PCDHGB4: variants seen among roughly 807,000 people sequenced by gnomAD.
The protein encoded by PCDHGB4 is protocadherin gamma-B4.
In PCDHGB4, 38 loss-of-function variants were observed where a neutral mutation model predicts 60.5. The observed-to-expected ratio is 0.63, with a 90% confidence interval of 0.48 to 0.82. The LOEUF is 0.82. Ranked by LOEUF, PCDHGB4 falls within the 40% of genes least tolerant of loss-of-function variation. The probability of loss-of-function intolerance (pLI) is 0.00; values close to 1 mark genes in which losing one functional copy is unlikely to be tolerated. For missense variants in PCDHGB4, 1,109 were observed against 1,209.6 expected, an observed-to-expected ratio of 0.92 and a Z score of 1.23; for synonymous variants, 456 against 509.7, an observed-to-expected ratio of 0.89 and a Z score of 1.42.
intron 1 of PCDHGB4, among the ~76,000 whole-genome samples, chr5:141,439,224 T>C (rs989512996): frequency 2.2e-4 from 33 of 152,030 alleles, no homozygotes; most frequent in Middle Eastern, 3.4e-3. Context: ...TGAAAATTCT[T>C]AGAAGCTTCC....
intron 1 of PCDHGB4, chr5:141,418,385 G>A (rs759618059): frequency 8.7e-6 from 14 of 1,613,930 alleles, no homozygotes; most frequent in Admixed American, 1.7e-5. Flanking sequence ...AAGTCCTAAC[G>A]AGTATTTCTC....
intron 1 of PCDHGB4, chr5:141,421,214 G>T (rs1469085534): frequency 5.1e-6 from 8 of 1,561,612 alleles, no homozygotes; most frequent in Non-Finnish European, 6.9e-6. Flanking sequence ...CGGAATATCG[G>T]CTTAGAGCCT....
intron 1 of PCDHGB4, chr5:141,427,830 C>G (rs749612858): frequency 7.8e-6 from 12 of 1,538,206 alleles, no homozygotes; most frequent in Non-Finnish European, 1.1e-5. Context: ...GGTCGCGCAG[C>G]GTGCCTTCGA....
intron 1 of PCDHGB4, among the ~76,000 whole-genome samples, chr5:141,437,913 T>G (rs1232481433): frequency 6.6e-6 from 1 of 152,138 alleles, no homozygotes; most frequent in East Asian, 1.9e-4. Context: ...AATTTTTGTA[T>G]TTTTAGTAGA....
Position 141,476,348 on chromosome 5 carries a change from G to C in PCDHGB4, c.2398-18459G>C, listed in dbSNP as rs764669470. Reference sequence around the variant, plus strand: ...GTCTGGAGCTAGCCGAAGATTCTTTGAGGTGAACCGGGAGACCGGAGAGAT... The same window carrying C: ...GTCTGGAGCTAGCCGAAGATTCTTTCAGGTGAACCGGGAGACCGGAGAGAT... On this transcript the variant is annotated intron_variant, in intron 1 of 3. Transcript: ENST00000519479. The surrounding 1 kb of genome is among the most constrained non-coding windows in gnomAD (Gnocchi z 7.6). 2 of 1,614,190 alleles carry C rather than the reference G, an allele frequency of 1.2e-6. No individual in the cohort carries two copies. The highest frequency in any genetic ancestry group is 2.2e-5 in the South Asian group (2 of 91,078).
chr5:141,455,928 C>T (rs1160778812), intron 1 of PCDHGB4, among the ~76,000 whole-genome samples: 3 of 151,158 alleles, frequency 2.0e-5, no homozygotes, highest in African/African-American at 4.9e-5. Context: ...GACGGAGTCT[C>T]GCTCTGTCGC....
Position 141,450,830 on chromosome 5 carries a change from T to TTA in PCDHGB4, c.2398-43976_2398-43975insAT, listed in dbSNP as rs200967731. 4.3e-3 allele frequency among the ~76,000 whole-genome samples: 438 copies of TTA among 101,540 alleles called. 3 individuals carry two copies. Among genetic ancestry groups the TTA allele is most frequent in the African/African-American group, 0.015 (349 of 23,046 alleles). 66.6% of individuals were successfully genotyped at this position (101,540 alleles called of 152,430 possible). ...TATTTATTTAATATTATTATTATTA[T>TTA]TTTTTTTTTTTTGAGATGGGGTCTT... On this transcript the variant is annotated intron_variant, in intron 1 of 3. Transcript: ENST00000519479.
intron 1 of PCDHGB4, among the ~76,000 whole-genome samples, chr5:141,425,819 A>C (rs1183860957): frequency 6.6e-6 from 1 of 152,246 alleles, no homozygotes; most frequent in Non-Finnish European, 1.5e-5. Flanking sequence ...TTAGAAAAAA[A>C]CAAACTTTTA....
chr5:141,435,940 G>A (rs2097787697), intron 1 of PCDHGB4, among the ~76,000 whole-genome samples: 1 of 152,066 alleles, frequency 6.6e-6, no homozygotes, highest in Admixed American at 6.5e-5. Flanking sequence ...CTGCTTCTGA[G>A]ACCAAAAAAG....
rs141605264 is a variant in PCDHGB4, at chr5:141,479,755, A to C, written c.2398-15052A>C. The C allele has an allele frequency of 2.6e-3, 390 of 152,364 alleles. 2 individuals are homozygous for C. The highest frequency in any genetic ancestry group is 9.1e-3 in the African/African-American group (378 of 41,580). 9.4% of individuals were successfully genotyped at this position (152,364 alleles called of 1,614,324 possible). On this transcript the variant is annotated intron_variant, in intron 1 of 3. Coordinates refer to ENST00000519479, the MANE Select transcript of PCDHGB4 (RefSeq NM_003736.4). ...AGTATATGCACAATGTGAAAGGTAG[A>C]TAAATTCATATCCTTAGACAGGTAA...
In PCDHGB4 at chr5:141,388,541, T is replaced by C; in HGVS notation, c.657T>C (p.Ala219=). ...HLTLTALDFG[A]PPLSSTAQIH... The stretch of plus-strand genomic sequence containing the variant: ...CTTTGACTGCCTTGGACTTTGGAGC[T>C]CCACCCCTAAGCAGCACTGCACAGA... Residue 219 remains alanine, a synonymous_variant, in exon 1 of 4, where the codon GCT becomes GCC. Transcript: ENST00000519479. The C allele has an allele frequency of 6.2e-7, 1 of 1,613,800 alleles. No homozygotes were observed. Among genetic ancestry groups the C allele is most frequent in the Non-Finnish European group, 8.5e-7 (1 of 1,179,886 alleles).
intron 1 of PCDHGB4, chr5:141,400,270 T>G: frequency 6.2e-7 from 1 of 1,614,058 alleles, no homozygotes; most frequent in Non-Finnish European, 8.5e-7. Flanking sequence ...GCGACGCTCC[T>G]CCAGCCCTGC....
rs946798767 is a variant in PCDHGB4, at chr5:141,438,591, CATATATATAT to C, written c.2397+48346_2397+48355del. On this transcript the variant is annotated intron_variant, in intron 1 of 3. Transcript: ENST00000519479. The stretch of plus-strand genomic sequence containing the variant: ...TCTGATATACATACATACATACATA[CATATATATAT>C]ATATATATATATATATATATATATA... Among the ~76,000 whole-genome samples, 12 of 75,572 alleles carry C rather than the reference CATATATATAT, an allele frequency of 1.6e-4. No individual in the cohort carries two copies. The East Asian group carries it at 1.7e-3, about 11-fold the overall frequency. The allele number at this position is 75,572 out of a possible 152,430, so 49.6% of individuals were successfully genotyped here.
Position 141,388,798 on chromosome 5 carries a change from TA to T in PCDHGB4, c.915del (p.Asp306IlefsTer10). The T allele has an allele frequency of 1.9e-6, 3 of 1,613,888 alleles. No individual in the cohort carries two copies. The highest frequency in any genetic ancestry group is 2.5e-6 in the Non-Finnish European group (3 of 1,179,810). ...GGGGAAATTACTGTTTTAAATACATTAGATTTTGAAGAAGTCAAAGAATATT... is the reference window on the plus strand; with the variant it reads ...GGGGAAATTACTGTTTTAAATACATTGATTTTGAAGAAGTCAAAGAATATT... ...NTGEITVLNT[L>X]DFEEVKEYSI... On this transcript the variant is annotated frameshift_variant, in exon 1 of 4. Transcript: ENST00000519479. LOFTEE classifies it high-confidence loss of function.
chr5:141,490,688 CTG>C lies in PCDHGB4; in HGVS notation c.2398-4118_2398-4117del. 6.2e-7 allele frequency: 1 copy of C among 1,614,218 alleles called. No homozygotes were observed. On this transcript the variant is annotated intron_variant, in intron 1 of 3. Coordinates refer to ENST00000519479, the MANE Select transcript of PCDHGB4 (RefSeq NM_003736.4). This position sits in a 1 kb window ranked among gnomAD's most constrained non-coding sequence, Gnocchi z 5.4. ...ACTGTGGCTGCCTCAGATCCAGACA[CTG>C]GGGATAATGCCCGCCTCACCTACTC... is the stretch of plus-strand genomic sequence containing the variant.
At chr5:141,441,710 G>A (rs2098266791) in intron 1 of PCDHGB4, 1 of 322,162 alleles carries the variant, frequency 3.1e-6, no homozygotes, top group Non-Finnish European at 6.1e-6. Context: ...TCAAGCTCAC[G>A]CTGCAGGCCC....
intron 1 of PCDHGB4, chr5:141,404,152 T>C (rs769503668): frequency 1.9e-5 from 31 of 1,612,848 alleles, no homozygotes; most frequent in Non-Finnish European, 2.0e-5. Flanking sequence ...CAGAAGAAGA[T>C]TATTACAGAT....
In PCDHGB4 at chr5:141,490,706, T is replaced by C. The variant is rs777636562; in HGVS notation, c.2398-4101T>C. On this transcript the variant is annotated intron_variant, in intron 1 of 3. Coordinates refer to ENST00000519479, the MANE Select transcript of PCDHGB4 (RefSeq NM_003736.4). This position sits in a 1 kb window ranked among gnomAD's most constrained non-coding sequence, Gnocchi z 5.4. ...CCAGACACTGGGGATAATGCCCGCC[T>C]CACCTACTCCATTGTAGGAAATCAG... is the stretch of plus-strand genomic sequence containing the variant. The C allele has an allele frequency of 6.2e-7, 1 of 1,614,074 alleles. No homozygotes were observed. Among genetic ancestry groups the C allele is most frequent in the African/African-American group, 1.3e-5 (1 of 74,948 alleles).
At chr5:141,415,740 G>GTTTTTTTTTTTTTTTTTGTTTTT (rs2095912994) in intron 1 of PCDHGB4, 1 of 515,998 alleles carries the variant, frequency 1.9e-6, no homozygotes. Flanking sequence ...GTTTATTAAG[G>GTTTTTTTTTTTTTTTTTGTTTTT]TTTTTTTTTT....
Sources: gnomAD v4.1 joint callset for allele counts (sites outside exome capture counted in the v4.1 genomes callset) on GRCh38, gnomAD v4.1.1 for gene constraint, Gnocchi (gnomAD v3.1) non-coding constraint, MANE v1.5 for transcripts, NCBI Gene and HGNC (gene_info 2026-07-23, HGNC 2026-07-21) for gene names.